The following IL1RAPL1 variants were observed in gnomAD, a reference collection of about 807,000 sequenced individuals.
The protein encoded by IL1RAPL1 is interleukin 1 receptor accessory protein like 1.
A neutral mutation model predicts 48.4 loss-of-function variants in IL1RAPL1; 3 were observed. The ratio of observed to expected loss-of-function variants is 0.06; its 90% confidence interval spans 0.03 to 0.16. The LOEUF (loss-of-function observed/expected upper bound fraction) is 0.16, where lower values mean the gene tolerates loss of function less well. IL1RAPL1 is among the 10% of genes least tolerant of loss of function. The pLI is 1.00. For missense variants in IL1RAPL1, 349 were observed against 530.6 expected (o/e 0.66, Z 3.36); for synonymous variants, 185 against 187.7 (o/e 0.99, Z 0.12).
At chrX:29,779,465 G>A (rs890685047) in intron 6 of IL1RAPL1, among the ~76,000 whole-genome samples, 1 of 110,934 alleles carries the variant, frequency 9.0e-6, no homozygotes, top group African/African-American at 3.3e-5. Context: ...GGAGGGAGGA[G>A]AATGAGGATC....
chrX:29,251,942 C>A (rs924372702), intron 2 of IL1RAPL1, among the ~76,000 whole-genome samples: 2 of 110,702 alleles, frequency 1.8e-5, no homozygotes, highest in African/African-American at 6.6e-5. Context: ...GCCATAAAAA[C>A]TGATGAGTTC....
intron 3 of IL1RAPL1, among the ~76,000 whole-genome samples, chrX:29,362,091 T>A (rs1277967215): frequency 8.9e-6 from 1 of 112,328 alleles, no homozygotes; most frequent in Non-Finnish European, 1.9e-5. Flanking sequence ...TCTAAAAAAA[T>A]TATCATCAAA....
intron 6 of IL1RAPL1, among the ~76,000 whole-genome samples, chrX:29,867,736 C>T (rs762271259): frequency 1.8e-5 from 2 of 112,125 alleles, no homozygotes; most frequent in Non-Finnish European, 3.8e-5. Context: ...AGAGAGTAAA[C>T]AATTTACTTT....
chrX:29,118,288 G>T (rs1193857736), intron 2 of IL1RAPL1, among the ~76,000 whole-genome samples: 1 of 111,945 alleles, frequency 8.9e-6, no homozygotes, highest in Admixed American at 9.5e-5. Flanking sequence ...ATGTTTTATA[G>T]GTATCATTGT....
chrX:29,773,538 A>T (rs1032145692), intron 6 of IL1RAPL1, among the ~76,000 whole-genome samples: 1 of 112,610 alleles, frequency 8.9e-6, no homozygotes, highest in African/African-American at 3.2e-5. Context: ...TAATATTTTG[A>T]TTCAGCACAG....
At position 29,406,255 on chromosome X, in the gene IL1RAPL1, G is replaced by A. The variant is rs774665300; in HGVS notation, c.703+6947G>A. 5.1e-3 allele frequency among the ~76,000 whole-genome samples: 564 copies of A among 110,431 alleles called. 2 individuals are homozygous for A. Among genetic ancestry groups the A allele is most frequent in the Middle Eastern group, 9.2e-3 (2 of 217 alleles). On this transcript the variant is annotated intron_variant, in intron 5 of 10. Coordinates refer to ENST00000378993, the MANE Select transcript of IL1RAPL1 (RefSeq NM_014271.4). ...ATACAAAAAATTAGCCGGGCGTGGT[G>A]GTGGGCGCCTGTAGTCCCAGCTACT...
chrX:29,333,365 G>GC (rs1287719752), intron 3 of IL1RAPL1, among the ~76,000 whole-genome samples: 27 of 105,295 alleles, frequency 2.6e-4, no homozygotes, highest in Admixed American at 6.9e-4. Context: ...GGGCAGAGGC[G>GC]CCCCTCACCT....
chrX:29,633,109 GGT>G lies in IL1RAPL1; in HGVS notation c.704-35320_704-35319del, dbSNP rs1924837149. On this transcript the variant is annotated intron_variant, in intron 5 of 10. Transcript: ENST00000378993. ...AGGCCAAAATTTTTAACTACCTAAA[GGT>G]CCATCAACAGTAGAATAAATTGTGA... Among the ~76,000 whole-genome samples, 8 of 110,942 alleles carry G rather than the reference GGT, an allele frequency of 7.2e-5. No individual in the cohort carries two copies. In the South Asian group the frequency reaches 3.0e-3, roughly 42 times the overall value.
In IL1RAPL1 at chrX:29,542,846, A is replaced by G. The variant is rs185910723; in HGVS notation, c.704-125584A>G. Among the ~76,000 whole-genome samples, 3 of 112,170 alleles carry G rather than the reference A, an allele frequency of 2.7e-5. No individual in the cohort carries two copies. In the East Asian group the frequency reaches 8.4e-4, roughly 31 times the overall value. On this transcript the variant is annotated intron_variant, in intron 5 of 10. Transcript: ENST00000378993. ...ACAGAAATGAAACCTCATGTCTTTT[A>G]GGAAACATTTCTAGATTCCTCTCCA... is the stretch of plus-strand genomic sequence containing the variant.
chrX:28,935,935 G>A (rs1924005634), intron 2 of IL1RAPL1, among the ~76,000 whole-genome samples: 1 of 111,358 alleles, frequency 9.0e-6, no homozygotes, highest in African/African-American at 3.3e-5. Flanking sequence ...GAAACGGGGT[G>A]TAAAAGGGTT....
intron 5 of IL1RAPL1, among the ~76,000 whole-genome samples, chrX:29,598,828 C>T (rs1923632317): frequency 9.0e-6 from 1 of 111,718 alleles, no homozygotes; most frequent in Non-Finnish European, 1.9e-5. Flanking sequence ...TTTGTTTTGT[C>T]TGATATAAGA....
At chrX:28,779,654 A>G (rs1352296132) in intron 1 of IL1RAPL1, among the ~76,000 whole-genome samples, 27 of 85,800 alleles carry the variant, frequency 3.1e-4, no homozygotes, top group East Asian at 1.4e-3. Context: ...ATATATATAT[A>G]TATATATATA....
At chrX:29,416,491 C>T (rs1387962559) in intron 5 of IL1RAPL1, among the ~76,000 whole-genome samples, 2 of 110,886 alleles carry the variant, frequency 1.8e-5, no homozygotes, top group Admixed American at 1.9e-4. Context: ...GAGCCAAAAT[C>T]GCGCCACTGC....
intron 2 of IL1RAPL1, among the ~76,000 whole-genome samples, chrX:29,003,035 A>G (rs1569217075): frequency 1.8e-5 from 2 of 111,142 alleles, no homozygotes; most frequent in African/African-American, 3.3e-5. Flanking sequence ...AAAAAAATCA[A>G]CTTTGCCTAG....
chrX:29,429,048 C>A (rs1231188340), intron 5 of IL1RAPL1, among the ~76,000 whole-genome samples: 1 of 112,299 alleles, frequency 8.9e-6, no homozygotes, highest in Non-Finnish European at 1.9e-5. Flanking sequence ...CGAACTCTTC[C>A]CTTAACCCTC....
chrX:28,604,764 A>T, intron 1 of IL1RAPL1, among the ~76,000 whole-genome samples: 1 of 109,447 alleles, frequency 9.1e-6, no homozygotes, highest in Middle Eastern at 4.7e-3. Flanking sequence ...CATATCGTGC[A>T]GTGCTTGACA....
At chrX:28,823,160 A>G (rs1456126540) in intron 2 of IL1RAPL1, among the ~76,000 whole-genome samples, 1 of 111,228 alleles carries the variant, frequency 9.0e-6, no homozygotes, top group African/African-American at 3.3e-5. Flanking sequence ...TTATATTTCA[A>G]TGGCCCTAGC....
intron 6 of IL1RAPL1, among the ~76,000 whole-genome samples, chrX:29,779,757 A>G (rs1929290667): frequency 8.9e-6 from 1 of 112,005 alleles, no homozygotes; most frequent in Admixed American, 9.5e-5. Flanking sequence ...CACTAAAGTC[A>G]GTCAAAATGA....
chrX:28,793,165 C>T (rs189218561), intron 2 of IL1RAPL1, among the ~76,000 whole-genome samples: 11 of 108,715 alleles, frequency 1.0e-4, no homozygotes, highest in East Asian at 5.8e-4. Context: ...TACCAATCCC[C>T]GTCAAGCATG....
Sources: allele counts gnomAD v4.1 joint callset (sites outside exome capture counted in the v4.1 genomes callset), GRCh38; gene constraint gnomAD v4.1.1; transcripts MANE v1.5; gene names NCBI Gene and HGNC (gene_info 2026-07-23, HGNC 2026-07-21).